B3GLCT: variants seen among roughly 807,000 people sequenced by gnomAD.
The protein encoded by B3GLCT is beta 3-glucosyltransferase.
In B3GLCT, 65 loss-of-function variants were observed where a neutral mutation model predicts 63.4. The observed-to-expected ratio is 1.03, with a 90% CI of 0.84 to 1.26. B3GLCT has a LOEUF of 1.26. Among genes scored for constraint, B3GLCT ranks in the 50% most tolerant of loss-of-function variants. The pLI, the probability that B3GLCT is intolerant of heterozygous loss-of-function variation, is 0.00. For missense variants in B3GLCT, 577 were observed against 604.8 expected, an observed-to-expected ratio of 0.95 and a Z score of 0.48; for synonymous variants, 233 against 219.2, an observed-to-expected ratio of 1.06 and a Z score of -0.55.
chr13:31,264,291 A>G (rs1326143449), intron 7 of B3GLCT, among the ~76,000 whole-genome samples: 1 of 152,110 alleles, frequency 6.6e-6, no homozygotes, highest in Non-Finnish European at 1.5e-5. Flanking sequence ...TCTTTTCCAC[A>G]AAGCTCAGGA....
At chr13:31,229,549 C>T (rs892659945) in intron 4 of B3GLCT, among the ~76,000 whole-genome samples, 1 of 152,084 alleles carries the variant, frequency 6.6e-6, no homozygotes, top group Admixed American at 6.6e-5. Context: ...CATTGGAGAC[C>T]AGCCTGGCCA....
At position 31,315,350 on chromosome 13, in the gene B3GLCT, A is replaced by T. The variant is rs140209000; in HGVS notation, c.1065-2216A>T. On this transcript the variant is annotated intron_variant, in intron 12 of 14. Transcript: ENST00000343307. Reference sequence around the variant, plus strand: ...GAGATGGTTTCAGATGGAGATGAGGAACTTATTGGGAACTGGAGCAAAGGT... The same window carrying T: ...GAGATGGTTTCAGATGGAGATGAGGTACTTATTGGGAACTGGAGCAAAGGT... Among the ~76,000 whole-genome samples the T allele has an allele frequency of 5.9e-4, 90 of 152,254 alleles. 1 individual carries two copies. Among genetic ancestry groups the T allele is most frequent in the South Asian group, 1.4e-3 (7 of 4,830 alleles).
chr13:31,271,716 C>T (rs1872580379), intron 8 of B3GLCT, among the ~76,000 whole-genome samples: 1 of 152,118 alleles, frequency 6.6e-6, no homozygotes, highest in South Asian at 2.1e-4. Flanking sequence ...ATATTTTCTT[C>T]TTTACTTCAT....
At chr13:31,299,199 C>A (rs1874103099) in intron 12 of B3GLCT, among the ~76,000 whole-genome samples, 1 of 152,172 alleles carries the variant, frequency 6.6e-6, no homozygotes, top group Non-Finnish European at 1.5e-5. Flanking sequence ...AGCACACACT[C>A]TTGAAGGCAT....
In B3GLCT at chr13:31,328,286, A is replaced by T. The variant is rs115605762; in HGVS notation, c.1330-1215A>T. ...TAATAAAAAAAGTAGCCTACAAAAG[A>T]CTTGTTTTTAAAATGCATCACATCT... is the stretch of plus-strand genomic sequence containing the variant. On this transcript the variant is annotated intron_variant, in intron 14 of 14. Transcript: ENST00000343307. 5.0e-3 allele frequency among the ~76,000 whole-genome samples: 763 copies of T among 152,356 alleles called. 8 individuals are homozygous for T. Among genetic ancestry groups the T allele is most frequent in the African/African-American group, 0.018 (733 of 41,582 alleles).
At chr13:31,223,088 G>T (rs1229015093) in intron 3 of B3GLCT, 97 bp downstream of exon 3, 1 of 841,222 alleles carries the variant, frequency 1.2e-6, no homozygotes, top group Non-Finnish European at 2.0e-6. Context: ...TTTATTTATG[G>T]GGTAAATATT....
At chr13:31,316,020 C>T (rs1055579874) in intron 12 of B3GLCT, among the ~76,000 whole-genome samples, 4 of 152,188 alleles carry the variant, frequency 2.6e-5, no homozygotes, top group Admixed American at 1.3e-4. Flanking sequence ...GAACCTCTGC[C>T]TAGATTTCAG....
At chr13:31,284,514 A>G in intron 10 of B3GLCT, 134 bp from the exon 11 acceptor site, 1 of 701,000 alleles carries the variant, frequency 1.4e-6, no homozygotes. Flanking sequence ...GGTTGGAAGC[A>G]AGCAACTCTT....
At chr13:31,272,505 C>G (rs1319860644) in intron 8 of B3GLCT, among the ~76,000 whole-genome samples, 1 of 152,092 alleles carries the variant, frequency 6.6e-6, no homozygotes, top group Admixed American at 6.5e-5. Flanking sequence ...AGTGAGCCAC[C>G]GTGCCCGGCC....
intron 13 of B3GLCT, among the ~76,000 whole-genome samples, chr13:31,318,846 A>G (rs1182016982): frequency 6.6e-6 from 1 of 152,232 alleles, no homozygotes; most frequent in East Asian, 1.9e-4. Context: ...ACTTTATAGC[A>G]TGATGGCGTT....
intron 1 of B3GLCT, among the ~76,000 whole-genome samples, chr13:31,208,621 C>CG (rs1049601653): frequency 1.4e-4 from 12 of 84,778 alleles, no homozygotes; most frequent in Non-Finnish European, 2.2e-4. Flanking sequence ...CTTTAGTGGC[C>CG]CCCCCCCCCC....
chr13:31,269,250 C>A lies in B3GLCT; in HGVS notation c.633C>A (p.Ser211=), dbSNP rs375641560. 1 of 1,608,502 alleles carries A rather than the reference C, an allele frequency of 6.2e-7. No homozygotes were observed. The highest frequency in any genetic ancestry group is 1.7e-5 in the Admixed American group (1 of 59,958). Residue 211 remains serine (S), a synonymous_variant, in exon 8 of 15, where the codon TCC becomes TCA. Coordinates refer to ENST00000343307, the MANE Select transcript of B3GLCT (RefSeq NM_194318.4). ...GACTAAAGAGTGAATCCTTGAAATC[C>A]GACTTTACAATAGATTTAAAACATG... is the stretch of plus-strand genomic sequence containing the variant. ...TKRLKSESLK[S]DFTIDLKHEI...
chr13:31,317,475 A>T, intron 12 of B3GLCT, 91 bp from the exon 13 acceptor site: 2 of 1,425,474 alleles, frequency 1.4e-6, no homozygotes, highest in South Asian at 2.3e-5. Flanking sequence ...AGTATTACAC[A>T]GTATACAGAG....
intron 4 of B3GLCT, among the ~76,000 whole-genome samples, chr13:31,232,479 C>G (rs982827516): frequency 6.6e-6 from 1 of 152,132 alleles, no homozygotes; most frequent in African/African-American, 2.4e-5. Flanking sequence ...ATAACTCACT[C>G]TCCTCACGAC....
At chr13:31,224,821 G>T (rs1870013350) in intron 3 of B3GLCT, among the ~76,000 whole-genome samples, 1 of 152,054 alleles carries the variant, frequency 6.6e-6, no homozygotes, top group South Asian at 2.1e-4. Context: ...ACATCGTATT[G>T]GTTTTTCATC....
intron 4 of B3GLCT, among the ~76,000 whole-genome samples, chr13:31,243,031 G>A (rs145471075): frequency 0.014 from 2,093 of 152,220 alleles, 30 homozygotes; most frequent in Non-Finnish European, 0.02. Context: ...TAAGACATAC[G>A]TACCTCTTAC....
chr13:31,275,551 G>A (rs1393994893), intron 9 of B3GLCT, among the ~76,000 whole-genome samples: 1 of 152,104 alleles, frequency 6.6e-6, no homozygotes, highest in Non-Finnish European at 1.5e-5. Flanking sequence ...CTTTCAGCAG[G>A]TGGCTCTGCC....
At chr13:31,251,431 G>T (rs1389430580) in intron 6 of B3GLCT, among the ~76,000 whole-genome samples, 1 of 152,192 alleles carries the variant, frequency 6.6e-6, no homozygotes, top group African/African-American at 2.4e-5. Context: ...AGCTAAAGGA[G>T]CATGTTCTAA....
chr13:31,246,096 C>T (rs1307324669), intron 4 of B3GLCT, among the ~76,000 whole-genome samples: 3 of 152,166 alleles, frequency 2.0e-5, no homozygotes, highest in Non-Finnish European at 4.4e-5. Flanking sequence ...GTGAAATCCA[C>T]ATCAGTGCAG....
Sources: allele counts gnomAD v4.1 joint callset (sites outside exome capture counted in the v4.1 genomes callset), GRCh38; gene constraint gnomAD v4.1.1; transcripts MANE v1.5; gene names NCBI Gene and HGNC (gene_info 2026-07-23, HGNC 2026-07-21).